The following VTI1A variants were observed in gnomAD, a reference collection of about 807,000 sequenced individuals.
VTI1A encodes vesicle transport through interaction with t-SNAREs homolog 1A.
In VTI1A, 22 loss-of-function variants were observed where a neutral mutation model predicts 34.9. The observed-to-expected ratio is 0.63, with a 90% CI of 0.45 to 0.90. The LOEUF is 0.90. VTI1A is among the 40% of genes least tolerant of loss of function. VTI1A has a pLI of 0.00. For synonymous variants in VTI1A, 87 were observed against 97.3 expected (o/e 0.89, Z 0.62); for missense variants, 268 against 275.6 (o/e 0.97, Z 0.20).
intron 7 of VTI1A, among the ~76,000 whole-genome samples, chr10:112,770,450 C>T (rs1851774640): frequency 6.6e-6 from 1 of 151,046 alleles, no homozygotes; most frequent in Admixed American, 6.6e-5. Flanking sequence ...GGCTGGAGTG[C>T]AGTGGCAGGA....
intron 5 of VTI1A, among the ~76,000 whole-genome samples, chr10:112,598,207 CT>C (rs1396472876): frequency 6.6e-6 from 1 of 152,206 alleles, no homozygotes; most frequent in Non-Finnish European, 1.5e-5. Flanking sequence ...GCAGTAAACT[CT>C]TGGGCACCTT....
chr10:112,545,488 T>C (rs1851043767), intron 5 of VTI1A, among the ~76,000 whole-genome samples: 1 of 152,252 alleles, frequency 6.6e-6, no homozygotes, highest in Non-Finnish European at 1.5e-5. Context: ...CTATGGTATT[T>C]CTTTTTTCTG....
rs1227489657 is a variant in VTI1A at position 112,447,303 on chromosome 10, G to GCC, written c.-68_-67dup. 1 of 1,525,714 alleles carries GCC rather than the reference G, an allele frequency of 6.6e-7. No individual in the cohort carries two copies. Among genetic ancestry groups the GCC allele is most frequent in the African/African-American group, 1.4e-5 (1 of 72,892 alleles). 94.5% of individuals were successfully genotyped at this position (1,525,714 alleles called of 1,614,324 possible). A position where few individuals can be genotyped will look rare whatever the true frequency, so the allele number is the denominator to read the frequency against. ...CCTTCCGGGGTTCCTAAGCCGCGGG[G>GCC]CCCCTCGCTGCCCCTCGAGGCCCTT... On this transcript the variant is annotated 5_prime_UTR_variant, in exon 1 of 8. Coordinates refer to ENST00000393077, the MANE Select transcript of VTI1A (RefSeq NM_145206.4).
intron 5 of VTI1A, among the ~76,000 whole-genome samples, chr10:112,573,164 G>C (rs1852205748): frequency 6.6e-6 from 1 of 152,194 alleles, no homozygotes. Flanking sequence ...TGGCCTAGCA[G>C]ATGTGATTGG....
intron 5 of VTI1A, among the ~76,000 whole-genome samples, chr10:112,656,624 C>T (rs944287803): frequency 6.6e-6 from 1 of 151,232 alleles, no homozygotes; most frequent in African/African-American, 2.4e-5. Flanking sequence ...CTGCCTCGGC[C>T]TCCCAAAGTG....
At chr10:112,799,232 G>A (rs1255184868) in intron 7 of VTI1A, among the ~76,000 whole-genome samples, 1 of 151,872 alleles carries the variant, frequency 6.6e-6, no homozygotes, top group African/African-American at 2.4e-5. Flanking sequence ...GTAAGGCAGG[G>A]ATGCGCTCAC....
chr10:112,736,085 T>C lies in VTI1A; in HGVS notation c.560+67087T>C, dbSNP rs552037578. ...ATATATTTTATATTTTTATATATAG[T>C]ATATTTTACATATATATGTGTGTGT... On this transcript the variant is annotated intron_variant, in intron 7 of 7. Coordinates refer to ENST00000393077, the MANE Select transcript of VTI1A (RefSeq NM_145206.4). Among the ~76,000 whole-genome samples, 28 of 136,818 alleles carry C rather than the reference T, an allele frequency of 2.0e-4. 1 individual carries two copies. The South Asian group carries it at 4.4e-3, about 22-fold the overall frequency. The allele number at this position is 136,818 out of a possible 152,430, so 89.8% of individuals were successfully genotyped here. A position where few individuals can be genotyped will look rare whatever the true frequency, so the allele number is the denominator to read the frequency against.
At chr10:112,635,189 A>G (rs1846303924) in intron 5 of VTI1A, among the ~76,000 whole-genome samples, 1 of 152,252 alleles carries the variant, frequency 6.6e-6, no homozygotes, top group Non-Finnish European at 1.5e-5. Context: ...GCCTTCAAGC[A>G]GCTTTTACTC....
chr10:112,595,154 A>G (rs1447728294), intron 5 of VTI1A, among the ~76,000 whole-genome samples: 1 of 144,276 alleles, frequency 6.9e-6, no homozygotes, highest in African/African-American at 2.7e-5. Context: ...TTATACAAAA[A>G]TCAATTCAAG....
chr10:112,474,457 C>CT (rs1564791640), intron 3 of VTI1A, among the ~76,000 whole-genome samples: 17 of 149,588 alleles, frequency 1.1e-4, no homozygotes, highest in African/African-American at 4.0e-4. Flanking sequence ...TTCATTCTTT[C>CT]CTTTTTTTTT....
intron 7 of VTI1A, among the ~76,000 whole-genome samples, chr10:112,693,479 G>A (rs148008143): frequency 0.036 from 5,439 of 152,190 alleles, 328 homozygotes; most frequent in East Asian, 0.28. Flanking sequence ...CCCAGGAGGC[G>A]GAGATTGCAG....
In VTI1A at chr10:112,501,488, G is replaced by A. The variant is rs73365008; in HGVS notation, c.265-25599G>A. 8.2e-3 allele frequency among the ~76,000 whole-genome samples: 1,252 copies of A among 152,112 alleles called. 23 individuals are homozygous for A. The highest frequency in any genetic ancestry group is 0.029 in the African/African-American group (1,186 of 41,502). ...TTACAAAAAAATGAACAAAAAGAAA[G>A]AAATGAAAGAAGTAAGAAAGTAGAT... On this transcript the variant is annotated intron_variant, in intron 3 of 7. Transcript: ENST00000393077.
chr10:112,532,657 T>G (rs1183982576), intron 4 of VTI1A, among the ~76,000 whole-genome samples: 1 of 152,164 alleles, frequency 6.6e-6, no homozygotes, highest in East Asian at 1.9e-4. Context: ...ATAAGAGAAT[T>G]AAAATGTTAT....
At chr10:112,668,457 C>T (rs551982058) in intron 6 of VTI1A, among the ~76,000 whole-genome samples, 169 bp downstream of exon 6, 16 of 152,208 alleles carry the variant, frequency 1.1e-4, no homozygotes, top group African/African-American at 3.4e-4. Context: ...CAAATAGCAG[C>T]TGACTCTATG....
rs189139854 is a variant in VTI1A at position 112,608,390 on chromosome 10, A to G, written c.428-59828A>G. Among the ~76,000 whole-genome samples, 272 of 152,326 alleles carry G rather than the reference A, an allele frequency of 1.8e-3. 2 individuals are homozygous for G. Among genetic ancestry groups the G allele is most frequent in the African/African-American group, 6.3e-3 (261 of 41,558 alleles). On this transcript the variant is annotated intron_variant, in intron 5 of 7. Transcript: ENST00000393077. ...AAGAACATTTATGGGGTTTTTGAGG[A>G]AGCTGTATAAATAATTTGCCAAGGA...
the VTI1A span, among the ~76,000 whole-genome samples, chr10:112,832,700 TCTCA>T: frequency 6.6e-6 from 1 of 152,228 alleles, no homozygotes; most frequent in African/African-American, 2.4e-5. Flanking sequence ...TCCCAGAGAA[TCTCA>T]CTCATTATAG....
At chr10:112,620,754 C>T (rs1238129657) in intron 5 of VTI1A, among the ~76,000 whole-genome samples, 7 of 150,052 alleles carry the variant, frequency 4.7e-5, no homozygotes, top group African/African-American at 9.8e-5. Context: ...CATGCCATTG[C>T]ACTCCAGCCT....
chr10:112,560,524 G>A (rs1210796334), intron 5 of VTI1A, among the ~76,000 whole-genome samples: 1 of 151,264 alleles, frequency 6.6e-6, no homozygotes, highest in Non-Finnish European at 1.5e-5. Context: ...AAGAATGTAA[G>A]CTTCCTGAGA....
At chr10:112,572,892 CTGTATTTTAATGG>C (rs1852197952) in intron 5 of VTI1A, among the ~76,000 whole-genome samples, 1 of 150,314 alleles carries the variant, frequency 6.7e-6, no homozygotes, top group South Asian at 2.1e-4. Flanking sequence ...AAACCATGAA[CTGTATTTTAATGG>C]TGTATTTTAG....
Sources: allele counts gnomAD v4.1 joint callset (sites outside exome capture counted in the v4.1 genomes callset), GRCh38; gene constraint gnomAD v4.1.1; transcripts MANE v1.5; gene names NCBI Gene and HGNC (gene_info 2026-07-23, HGNC 2026-07-21).